Variants in KIF19 observed in about 807,000 individuals in gnomAD.
KIF19 encodes the protein kinesin family member 19.
KIF19 carries 98 observed loss-of-function variants against 106.6 expected under a neutral mutation model. The ratio of observed to expected loss-of-function variants is 0.92; its 90% CI spans 0.78 to 1.09. KIF19 has a LOEUF of 1.09. Among genes scored for constraint, KIF19 ranks in the 50% least tolerant of loss-of-function variants. The probability of loss-of-function intolerance (pLI) is 0.00; values close to 1 mark genes in which losing one functional copy is unlikely to be tolerated. For missense variants in KIF19, 1,373 were observed against 1,414.3 expected (o/e 0.97, Z 0.47); for synonymous variants, 516 against 584.2 (o/e 0.88, Z 1.68).
At position 74,354,424 on chromosome 17, in the gene KIF19, A is replaced by G. The variant is rs370376740; in HGVS notation, c.2571A>G (p.Ala857=). The G allele has an allele frequency of 1.2e-6, 2 of 1,611,328 alleles. No individual in the cohort carries two copies. Among genetic ancestry groups the G allele is most frequent in the Non-Finnish European group, 1.7e-6 (2 of 1,179,394 alleles). ...GCACGGGCGAGGCCCCGTCCCGGGC[A>G]GTCGGACATCATGGGGACGGCCCCA... ...SSSTGEAPSR[A]VGHHGDGPRP... The change falls in exon 18 of 20, where the codon GCA becomes GCG. Residue 857 remains alanine (A), a synonymous_variant. Transcript: ENST00000389916.
At chr17:74,340,638 C>A (rs2054346108) in intron 2 of KIF19, among the ~76,000 whole-genome samples, 1 of 152,206 alleles carries the variant, frequency 6.6e-6, no homozygotes, top group South Asian at 2.1e-4. Flanking sequence ...CATGGCCTGT[C>A]CTGGCTGCCA....
chr17:74,353,227 G>A lies in KIF19; in HGVS notation c.2146G>A (p.Gly716Arg). The change falls in exon 16 of 20, where the codon GGG becomes AGG. Residue 716 changes from glycine to arginine, a missense_variant. Physicochemically the swap from Gly to Arg is moderately radical, Grantham distance 125 (BLOSUM62 -2). This residue lies in a region of KIF19 where 1,020 missense variants were observed against 1,008.2 expected (regional missense o/e 1.01). Transcript: ENST00000389916. ...CCACCACGTGTTCAAGGCTGGTACTGGGGCCTGGCAGGCAAAAAGCTCCTC... is the reference window on the plus strand; with the variant it reads ...CCACCACGTGTTCAAGGCTGGTACTAGGGCCTGGCAGGCAAAAAGCTCCTC... ...EGHHVFKAGTGAWQAKSSSVP... is the reference protein window; with the variant it reads ...EGHHVFKAGTRAWQAKSSSVP... 1 of 1,588,890 alleles carries A rather than the reference G, an allele frequency of 6.3e-7. No individual in the cohort carries two copies. The highest frequency in any genetic ancestry group is 1.2e-5 in the South Asian group (1 of 86,924).
chr17:74,341,934 C>G lies in KIF19; in HGVS notation c.179C>G (p.Ser60Cys), dbSNP rs1168150555. 1.2e-6 allele frequency: 2 copies of G among 1,613,378 alleles called. No homozygotes were observed. The highest frequency in any genetic ancestry group is 2.7e-5 in the African/African-American group (2 of 74,906). ...DPDDILRAHR[S>C]REKSYLFDVA... ...GACGACATCCTGCGGGCGCATCGCT[C>G]CCGGGAGAAGTCCTACCTGTTCGAC... The change falls in exon 3 of 20, where the codon TCC becomes TGC. Residue 60 changes from serine to cysteine, a missense_variant. Coordinates refer to ENST00000389916, the MANE Select transcript of KIF19 (RefSeq NM_153209.4).
At chr17:74,332,325 G>A (rs573125728) in intron 2 of KIF19, among the ~76,000 whole-genome samples, 50 of 151,968 alleles carry the variant, frequency 3.3e-4, no homozygotes, top group Admixed American at 3.1e-3. Context: ...CACAGGAAGC[G>A]GGGAAGTACC....
chr17:74,347,306 G>A (rs2054560543), intron 8 of KIF19, among the ~76,000 whole-genome samples: 1 of 152,312 alleles, frequency 6.6e-6, no homozygotes, highest in African/African-American at 2.4e-5. Context: ...GGAGGCCGAG[G>A]CAGGTGGATC....
chr17:74,328,518 C>G lies in KIF19; in HGVS notation c.120+13C>G. The G allele has an allele frequency of 6.3e-7, 1 of 1,595,882 alleles. No individual in the cohort carries two copies. The highest frequency in any genetic ancestry group is 8.5e-7 in the Non-Finnish European group (1 of 1,171,332). ...AGTGGATGAGCAGGTATGCAGGGCT[C>G]TGCAGCAGGAGCTGCAGGGCAGAGG... On this transcript the variant is annotated intron_variant, in intron 2 of 19. Coordinates refer to ENST00000389916, the MANE Select transcript of KIF19 (RefSeq NM_153209.4).
At chr17:74,342,922 G>C in intron 4 of KIF19, 102 bp from the exon 5 acceptor site, 16 of 1,396,650 alleles carry the variant, frequency 1.1e-5, no homozygotes, top group Non-Finnish European at 1.5e-5. Context: ...CCCTCTGAGA[G>C]GGCCCAGCCT....
At chr17:74,343,967 G>C (rs754655672) in intron 5 of KIF19, among the ~76,000 whole-genome samples, 9 of 152,166 alleles carry the variant, frequency 5.9e-5, no homozygotes, top group Non-Finnish European at 8.8e-5. Flanking sequence ...GTCTGGAAAG[G>C]GGTGCTCCTT....
At position 74,354,940 on chromosome 17, in the gene KIF19, G is replaced by A. The variant is rs1372587193; in HGVS notation, c.2865G>A (p.Thr955=). The change falls in exon 19 of 20, where the codon ACG becomes ACA. Residue 955 remains threonine (T), a splice_region_variant and synonymous_variant. Coordinates refer to ENST00000389916, the MANE Select transcript of KIF19 (RefSeq NM_153209.4). ...TCAAACTCCCTCCAAGCCAGAACAC[G>A]GGTCAGTATGGGCAAGGAGGGGATG... ...AKVKLPPSQN[T]GPGDSSPLAV... The A allele has an allele frequency of 7.0e-6, 11 of 1,581,486 alleles. No individual in the cohort carries two copies. Among genetic ancestry groups the A allele is most frequent in the Admixed American group, 5.5e-5 (3 of 54,582 alleles).
At position 74,341,438 on chromosome 17, in the gene KIF19, TG is replaced by T. The variant is rs1187524406; in HGVS notation, c.121-432del. On this transcript the variant is annotated intron_variant, in intron 2 of 19. Transcript: ENST00000389916. ...TTGCACCTCTCTGGCAGAGGCAGCA[TG>T]GGGGGTGTTGAAGTGAGGGGCAGGC... Among the ~76,000 whole-genome samples the T allele has an allele frequency of 4.6e-5, 7 of 152,190 alleles. No individual in the cohort carries two copies. In the East Asian group the frequency reaches 1.4e-3, roughly 29 times the overall value.
chr17:74,352,647 G>A (rs1454591602), intron 14 of KIF19, among the ~76,000 whole-genome samples, 174 bp from the exon 15 acceptor site: 2 of 152,124 alleles, frequency 1.3e-5, no homozygotes, highest in African/African-American at 4.8e-5. Flanking sequence ...GTGCCACTGG[G>A]GAAGCCTAGC....
At position 74,344,764 on chromosome 17, in the gene KIF19, ATGCAGCTGC is replaced by A; in HGVS notation, c.589_597del (p.Gln197_Leu199del). ...GCCTCTCCTCCCTCCCACCCAGATC[ATGCAGCTGC>A]TGATGAAGGGGAACCGGCAGAGGAC... On this transcript the variant is annotated inframe_deletion, in exon 7 of 20. Coordinates refer to ENST00000389916, the MANE Select transcript of KIF19 (RefSeq NM_153209.4). 6.2e-7 allele frequency: 1 copy of A among 1,605,920 alleles called. No homozygotes were observed. The highest frequency in any genetic ancestry group is 1.1e-5 in the South Asian group (1 of 90,812).
intron 5 of KIF19, among the ~76,000 whole-genome samples, chr17:74,343,944 C>T (rs373579269): frequency 1.1e-4 from 17 of 152,270 alleles, no homozygotes; most frequent in African/African-American, 2.9e-4. Context: ...GGACCCTGCC[C>T]GGTGCCCAGC....
intron 12 of KIF19, among the ~76,000 whole-genome samples, chr17:74,351,617 G>C (rs2054703739): frequency 6.6e-6 from 1 of 152,200 alleles, no homozygotes. Flanking sequence ...CATGGGCTGG[G>C]GTTGAGCAGT....
intron 7 of KIF19, among the ~76,000 whole-genome samples, chr17:74,345,859 G>A (rs558867257): frequency 4.6e-5 from 7 of 152,254 alleles, no homozygotes; most frequent in Admixed American, 2.6e-4. Flanking sequence ...CCACTGGAGC[G>A]AGCTGGTCCC....
chr17:74,342,292 AG>A (rs1343234018), intron 3 of KIF19, among the ~76,000 whole-genome samples: 5 of 152,222 alleles, frequency 3.3e-5, no homozygotes, highest in Non-Finnish European at 7.3e-5. Context: ...ACAGGGGCAG[AG>A]GGTGGGTTCA....
intron 17 of KIF19, 150 bp from the exon 18 acceptor site, chr17:74,354,012 A>C: frequency 3.7e-6 from 3 of 815,568 alleles, no homozygotes; most frequent in Non-Finnish European, 5.7e-6. Context: ...AGGCTCGGAA[A>C]TGGGCCCAAG....
Position 74,351,881 on chromosome 17 carries a change from G to T in KIF19, c.1602G>T (p.Gln534His). The T allele has an allele frequency of 7.1e-7, 1 of 1,399,874 alleles. No homozygotes were observed. The highest frequency in any genetic ancestry group is 3.0e-5 in the East Asian group (1 of 33,836). The allele number at this position is 1,399,874 out of a possible 1,614,324, so 86.7% of individuals were successfully genotyped here. A position where few individuals can be genotyped will look rare whatever the true frequency, so the allele number is the denominator to read the frequency against. ...QLRKQKLALE[Q>H]RCRELRARGR... Reference sequence around the variant, plus strand: ...GCCTCCTGCAGCTGGCGCTGGAGCAGCGCTGCCGGGAGCTGCGCGCGCGGG... The same window carrying T: ...GCCTCCTGCAGCTGGCGCTGGAGCATCGCTGCCGGGAGCTGCGCGCGCGGG... Residue 534 changes from glutamine (Q) to histidine (H), a missense_variant, in exon 13 of 20, where the codon CAG becomes CAT. Gln to His is a conservative substitution (Grantham distance 24, BLOSUM62 0). Transcript: ENST00000389916.
chr17:74,353,714 G>A, intron 17 of KIF19, 133 bp downstream of exon 17: 4 of 731,740 alleles, frequency 5.5e-6, no homozygotes, highest in Non-Finnish European at 9.5e-6. Flanking sequence ...ACATTCTGTA[G>A]AGGCACCATT....
Sources: allele counts gnomAD v4.1 joint callset (sites outside exome capture counted in the v4.1 genomes callset), GRCh38; gene constraint gnomAD v4.1.1; regional missense constraint gnomAD v4.1.1; transcripts MANE v1.5; gene names NCBI Gene and HGNC (gene_info 2026-07-23, HGNC 2026-07-21).